Variants in CNTNAP5 observed in about 807,000 individuals in gnomAD.
CNTNAP5 encodes contactin-associated protein-like 5.
Under a neutral mutation model 150.2 loss-of-function variants are expected in CNTNAP5, and 72 were observed. That is an observed-to-expected ratio of 0.48 (90% confidence interval 0.40 to 0.58). The LOEUF is 0.58. CNTNAP5 is among the 20% of genes least tolerant of loss of function. CNTNAP5 has a pLI of 0.00. For synonymous variants in CNTNAP5, 672 were observed against 619.8 expected (o/e 1.08, Z -1.25); for missense variants, 1,636 against 1,626.2 (o/e 1.01, Z -0.10).
intron 8 of CNTNAP5, among the ~76,000 whole-genome samples, chr2:124,507,188 G>C (rs905443915): frequency 8.5e-5 from 13 of 152,162 alleles, no homozygotes; most frequent in African/African-American, 3.1e-4. Flanking sequence ...GCCAGGCACG[G>C]TGGCTCACAC....
intron 1 of CNTNAP5, among the ~76,000 whole-genome samples, chr2:124,136,138 C>T (rs1683967797): frequency 6.6e-6 from 1 of 152,172 alleles, no homozygotes; most frequent in Non-Finnish European, 1.5e-5. Context: ...AGAATGTAAT[C>T]TTGTCTTGTA....
rs150784231 is a variant in CNTNAP5, at chr2:124,271,557, C to T, written c.381+29164C>T. Among the ~76,000 whole-genome samples, 340 of 152,274 alleles carry T rather than the reference C, an allele frequency of 2.2e-3. 2 individuals are homozygous for T. The highest frequency in any genetic ancestry group is 7.9e-3 in the African/African-American group (329 of 41,566). On this transcript the variant is annotated intron_variant, in intron 3 of 23. Coordinates refer to ENST00000682447, the MANE Select transcript of CNTNAP5 (RefSeq NM_001367498.1). ...GAAAAGGTAATGGAGTCAACAAAAT[C>T]TGATCAGGGTCTCTCTGAAGTTATA...
At chr2:124,173,960 C>T (rs956170329) in intron 1 of CNTNAP5, among the ~76,000 whole-genome samples, 19 of 152,044 alleles carry the variant, frequency 1.2e-4, no homozygotes, top group Non-Finnish European at 1.8e-4. Flanking sequence ...GCTCATTTAC[C>T]ATTCTGAAAA....
intron 3 of CNTNAP5, among the ~76,000 whole-genome samples, chr2:124,331,004 T>C (rs972121487): frequency 4.6e-5 from 7 of 152,188 alleles, no homozygotes; most frequent in Non-Finnish European, 8.8e-5. Context: ...GTTTTTGCAT[T>C]AGTTTTGGAA....
intron 21 of CNTNAP5, among the ~76,000 whole-genome samples, chr2:124,902,610 T>C (rs1403434582): frequency 6.6e-6 from 1 of 152,168 alleles, no homozygotes; most frequent in African/African-American, 2.4e-5. Context: ...ATAAAATACA[T>C]GAATGAAAAT....
At position 124,917,687 on chromosome 2, in the gene CNTNAP5, C is replaced by CT. The variant is rs1355891267; in HGVS notation, c.*3405dup. ...AGAACAAAATAAAGAGATTGTTTTT[C>CT]TTTTTTCATTCATGAAGTATTTATG... On this transcript the variant is annotated 3_prime_UTR_variant, in exon 24 of 24. Coordinates refer to ENST00000682447, the MANE Select transcript of CNTNAP5 (RefSeq NM_001367498.1). Among the ~76,000 whole-genome samples, 3 of 151,998 alleles carry CT rather than the reference C, an allele frequency of 2.0e-5. No individual in the cohort carries two copies. Among genetic ancestry groups the CT allele is most frequent in the African/African-American group, 7.2e-5 (3 of 41,418 alleles).
intron 19 of CNTNAP5, among the ~76,000 whole-genome samples, chr2:124,807,429 G>T (rs1379205859): frequency 6.6e-6 from 1 of 152,110 alleles, no homozygotes; most frequent in Admixed American, 6.5e-5. Context: ...ATATTTCCTA[G>T]CAGCTAATAC....
chr2:124,166,576 GA>G (rs1395376633), intron 1 of CNTNAP5, among the ~76,000 whole-genome samples: 2 of 152,018 alleles, frequency 1.3e-5, no homozygotes, highest in Non-Finnish European at 2.9e-5. Flanking sequence ...TTCTCTTATT[GA>G]CTTCCACTTT....
At chr2:124,245,054 C>T (rs1167680793) in intron 3 of CNTNAP5, among the ~76,000 whole-genome samples, 4 of 151,966 alleles carry the variant, frequency 2.6e-5, no homozygotes, top group Non-Finnish European at 4.4e-5. Flanking sequence ...TTTTGATTTT[C>T]ACAGAATTGA....
intron 12 of CNTNAP5, among the ~76,000 whole-genome samples, chr2:124,614,185 G>A (rs1021998195): frequency 2.6e-5 from 4 of 152,044 alleles, no homozygotes; most frequent in African/African-American, 4.8e-5. Context: ...GTTTCCTAGG[G>A]CTCTATAACA....
At chr2:124,700,108 C>T (rs149548762) in intron 13 of CNTNAP5, among the ~76,000 whole-genome samples, 6 of 152,196 alleles carry the variant, frequency 3.9e-5, no homozygotes, top group East Asian at 1.9e-4. Flanking sequence ...TGAATAAAAC[C>T]ACTCAATAAA....
intron 3 of CNTNAP5, among the ~76,000 whole-genome samples, chr2:124,247,904 T>C (rs1168767197): frequency 1.3e-5 from 2 of 152,188 alleles, no homozygotes; most frequent in African/African-American, 2.4e-5. Flanking sequence ...TGGTCTCAAA[T>C]ATATTTGTCA....
At position 124,648,036 on chromosome 2, in the gene CNTNAP5, C is replaced by A. The variant is rs1678244206; in HGVS notation, c.2077+78C>A. 2.9e-6 allele frequency: 4 copies of A among 1,359,958 alleles called. No homozygotes were observed. The Admixed American group carries it at 6.6e-5, about 23-fold the overall frequency. 84.2% of individuals were successfully genotyped at this position (1,359,958 alleles called of 1,614,324 possible). Reference sequence around the variant, plus strand: ...GGAGTATTAGGCAAAGGAAAATTTGCCAAGAAGGGGGCTATAGTTACAGTT... The same window carrying A: ...GGAGTATTAGGCAAAGGAAAATTTGACAAGAAGGGGGCTATAGTTACAGTT... On this transcript the variant is annotated intron_variant, in intron 13 of 23. Coordinates refer to ENST00000682447, the MANE Select transcript of CNTNAP5 (RefSeq NM_001367498.1).
chr2:124,555,701 A>G (rs1695737396), intron 10 of CNTNAP5, among the ~76,000 whole-genome samples: 1 of 152,220 alleles, frequency 6.6e-6, no homozygotes, highest in Non-Finnish European at 1.5e-5. Context: ...AACCATGTTA[A>G]CTTACACAGG....
intron 1 of CNTNAP5, among the ~76,000 whole-genome samples, chr2:124,074,095 C>T (rs183379941): frequency 1.5e-3 from 221 of 152,166 alleles, no homozygotes; most frequent in African/African-American, 5.1e-3. Context: ...CACAGAAAGA[C>T]AGACTTTGCA....
rs71412792 is a variant in CNTNAP5 at position 124,702,346 on chromosome 2, C to CTTTTTTTTTTTTT, written c.2078-44845_2078-44833dup. ...ATGTCCTTCTGTGAAACTATGAACA[C>CTTTTTTTTTTTTT]TTTTTTTTTTTTTTTTTTTTTTTTT... On this transcript the variant is annotated intron_variant, in intron 13 of 23. Transcript: ENST00000682447. 2.7e-4 allele frequency among the ~76,000 whole-genome samples: 14 copies of CTTTTTTTTTTTTT among 52,250 alleles called. 4 individuals carry two copies. Among genetic ancestry groups the CTTTTTTTTTTTTT allele is most frequent in the East Asian group, 1.9e-3 (2 of 1,046 alleles). 34.3% of individuals were successfully genotyped at this position (52,250 alleles called of 152,430 possible).
chr2:124,763,024 A>G (rs564022827), intron 14 of CNTNAP5, among the ~76,000 whole-genome samples: 1 of 152,134 alleles, frequency 6.6e-6, no homozygotes, highest in Admixed American at 6.6e-5. Context: ...CACCTTAAAC[A>G]AAAGGGGAAA....
At chr2:124,448,411 A>T (rs1346550646) in intron 6 of CNTNAP5, among the ~76,000 whole-genome samples, 1 of 152,074 alleles carries the variant, frequency 6.6e-6, no homozygotes, top group Admixed American at 6.5e-5. Flanking sequence ...GGTGCTCTGG[A>T]GGTATTTCAT....
intron 1 of CNTNAP5, among the ~76,000 whole-genome samples, chr2:124,031,751 T>C (rs1681058009): frequency 6.6e-6 from 1 of 152,150 alleles, no homozygotes; most frequent in South Asian, 2.1e-4. Context: ...ATAATCACAT[T>C]GCTATAAAAA....
Sources: gnomAD v4.1 joint callset for allele counts (sites outside exome capture counted in the v4.1 genomes callset) on GRCh38, gnomAD v4.1.1 for gene constraint, MANE v1.5 for transcripts, NCBI Gene and HGNC (gene_info 2026-07-23, HGNC 2026-07-21) for gene names.